Variants in FREM2 observed in about 807,000 individuals in gnomAD.
The protein encoded by FREM2 is FRAS1-related extracellular matrix protein 2.
In FREM2, 119 loss-of-function variants were observed where a neutral mutation model predicts 219.9. That is an observed-to-expected ratio of 0.54 (90% CI 0.47 to 0.63). The LOEUF (loss-of-function observed/expected upper bound fraction) is 0.63. FREM2 is among the 30% of genes least tolerant of loss of function. FREM2 has a pLI of 0.00. For synonymous variants in FREM2, 1,562 were observed against 1,522.8 expected (o/e 1.03, Z -0.60); for missense variants, 4,030 against 3,993.6 (o/e 1.01, Z -0.25).
rs536141558 is a variant in FREM2 at position 38,830,793 on chromosome 13, T to C, written c.6020-15780T>C. On this transcript the variant is annotated intron_variant, in intron 6 of 23. Coordinates refer to ENST00000280481, the MANE Select transcript of FREM2 (RefSeq NM_207361.6). ...TCACATTTTTTCTTCTCTGGGTTGC[T>C]GTCCTGTGTCAGCTCTCCATCTCGG... 2.6e-5 allele frequency among the ~76,000 whole-genome samples: 4 copies of C among 152,322 alleles called. No individual in the cohort carries two copies. In the South Asian group the frequency reaches 8.3e-4, roughly 32 times the overall value.
intron 4 of FREM2, among the ~76,000 whole-genome samples, chr13:38,782,384 T>C (rs1366077005): frequency 6.6e-6 from 1 of 152,124 alleles, no homozygotes; most frequent in Non-Finnish European, 1.5e-5. Flanking sequence ...GCCCTTTGAC[T>C]GTGTTAAAAA....
Position 38,884,609 on chromosome 13 carries a change from A to C in FREM2, c.*3822A>C, listed in dbSNP as rs926980897. 1 of 152,212 alleles carries C rather than the reference A, an allele frequency of 6.6e-6. No individual in the cohort carries two copies. Among genetic ancestry groups the C allele is most frequent in the African/African-American group, 2.4e-5 (1 of 41,462 alleles). 9.4% of individuals were successfully genotyped at this position (152,212 alleles called of 1,614,324 possible). On this transcript the variant is annotated 3_prime_UTR_variant, in exon 24 of 24. Transcript: ENST00000280481. ...AGCACATTGCCATTCTTTGAAACTC[A>C]TGTTTCTAGACATGACAGCAGTAAT...
chr13:38,752,754 G>A (rs1872828802), intron 2 of FREM2, among the ~76,000 whole-genome samples: 1 of 152,236 alleles, frequency 6.6e-6, no homozygotes, highest in Non-Finnish European at 1.5e-5. Flanking sequence ...TGTGATGACA[G>A]TGTCTGTGTA....
chr13:38,807,833 G>A (rs2137859357), intron 6 of FREM2, among the ~76,000 whole-genome samples: 1 of 151,990 alleles, frequency 6.6e-6, no homozygotes, highest in East Asian at 2.0e-4. Context: ...TTTCTGATTG[G>A]TAAATGACCG....
At chr13:38,827,582 T>G (rs1308544968) in intron 6 of FREM2, 1 of 152,060 alleles carries the variant, frequency 6.6e-6, no homozygotes, top group Non-Finnish European at 1.5e-5. Flanking sequence ...TTGGGAAGCT[T>G]GAAGATGGAT....
At chr13:38,854,656 G>T (rs1293404010) in intron 11 of FREM2, among the ~76,000 whole-genome samples, 1 of 152,256 alleles carries the variant, frequency 6.6e-6, no homozygotes, top group South Asian at 2.1e-4. Context: ...TTCTCTCAGG[G>T]TATAAGAAAT....
At chr13:38,877,345 T>C (rs187833156) in intron 21 of FREM2, 102 bp downstream of exon 21, 21 of 1,323,242 alleles carry the variant, frequency 1.6e-5, no homozygotes, top group Non-Finnish European at 2.2e-5. Context: ...TAGCTTTTTT[T>C]ATGGTTTTGA....
rs565240280 is a variant in FREM2 at position 38,722,709 on chromosome 13, G to A, written c.5263+24922G>A. Among the ~76,000 whole-genome samples, 28 of 148,790 alleles carry A rather than the reference G, an allele frequency of 1.9e-4. No homozygotes were observed. In the South Asian group the frequency reaches 6.0e-3, roughly 32 times the overall value. ...CACTGTTCTAACAAGATGGTGTAAG[G>A]ATAAAAATAATCAAGCAGAGGGTGT... On this transcript the variant is annotated intron_variant, in intron 2 of 23. Coordinates refer to ENST00000280481, the MANE Select transcript of FREM2 (RefSeq NM_207361.6).
At chr13:38,723,262 AAAAT>A (rs1169554712) in intron 2 of FREM2, among the ~76,000 whole-genome samples, 1 of 151,254 alleles carries the variant, frequency 6.6e-6, no homozygotes, top group Admixed American at 6.6e-5. Context: ...AATAAAAAAT[AAAAT>A]AAAACAGCTG....
intron 6 of FREM2, among the ~76,000 whole-genome samples, chr13:38,803,041 T>C (rs144340066): frequency 1.3e-3 from 192 of 152,296 alleles, no homozygotes; most frequent in Non-Finnish European, 2.0e-3. Flanking sequence ...GATTGTCTAT[T>C]CAAAGTTTGA....
Position 38,851,070 on chromosome 13 carries a change from A to T in FREM2, c.6704A>T (p.Gln2235Leu). ...CCCTTTGGGGCTGCAGTTGGTGAACAAAATGAAACTCTCATAAGGATCCGA... is the reference window on the plus strand; with the variant it reads ...CCCTTTGGGGCTGCAGTTGGTGAACTAAATGAAACTCTCATAAGGATCCGA... Reference protein sequence around the residue: ...NSPFGAAVGEQNETLIRIRDD... With the variant: ...NSPFGAAVGELNETLIRIRDD... Residue 2235 changes from glutamine (Q) to leucine (L), a missense_variant, in exon 10 of 24, where the codon CAA becomes CTA. Physicochemically the swap from Gln to Leu is moderately radical, Grantham distance 113. Around this residue, in one of 2 missense-constraint regions of FREM2, gnomAD observed 3,102 missense variants for 2,950.7 expected, o/e 1.05. Transcript: ENST00000280481. 1 of 1,614,038 alleles carries T rather than the reference A, an allele frequency of 6.2e-7. No individual in the cohort carries two copies. The highest frequency in any genetic ancestry group is 8.5e-7 in the Non-Finnish European group (1 of 1,179,980).
At chr13:38,731,795 G>A (rs989594264) in intron 2 of FREM2, among the ~76,000 whole-genome samples, 20 of 152,164 alleles carry the variant, frequency 1.3e-4, no homozygotes, top group African/African-American at 4.3e-4. Flanking sequence ...GCCCCAAGTA[G>A]AATGATTTAT....
intron 2 of FREM2, among the ~76,000 whole-genome samples, chr13:38,723,863 C>A (rs980128981): frequency 6.6e-6 from 1 of 152,128 alleles, no homozygotes; most frequent in African/African-American, 2.4e-5. Context: ...AGAGGAGATT[C>A]TATTATTTAT....
At chr13:38,789,890 T>C (rs944961883) in intron 6 of FREM2, among the ~76,000 whole-genome samples, 5 of 151,868 alleles carry the variant, frequency 3.3e-5, no homozygotes, top group African/African-American at 1.2e-4. Context: ...ATCTTATGTT[T>C]TTCGCTTCAA....
At chr13:38,775,301 G>A (rs1300712852) in intron 4 of FREM2, among the ~76,000 whole-genome samples, 1 of 152,170 alleles carries the variant, frequency 6.6e-6, no homozygotes, top group Non-Finnish European at 1.5e-5. Flanking sequence ...TCAAGGTCCA[G>A]AATTAATGAA....
At chr13:38,846,496 T>G in intron 6 of FREM2, 77 bp from the exon 7 acceptor site, 1 of 1,491,926 alleles carries the variant, frequency 6.7e-7, no homozygotes, top group South Asian at 1.2e-5. Flanking sequence ...AGCACACTCT[T>G]CTTTGGAAGC....
chr13:38,801,365 G>A (rs1382960695), intron 6 of FREM2, among the ~76,000 whole-genome samples: 1 of 152,060 alleles, frequency 6.6e-6, no homozygotes, highest in African/African-American at 2.4e-5. Context: ...TCTGTTGTTG[G>A]AGAATTATCA....
chr13:38,772,885 C>T (rs954120703), intron 4 of FREM2, among the ~76,000 whole-genome samples: 4 of 151,672 alleles, frequency 2.6e-5, no homozygotes, highest in African/African-American at 9.7e-5. Flanking sequence ...TTAGTAGAGA[C>T]GGGGTTTCAC....
At chr13:38,724,010 G>A (rs896895876) in intron 2 of FREM2, among the ~76,000 whole-genome samples, 5 of 152,184 alleles carry the variant, frequency 3.3e-5, no homozygotes, top group African/African-American at 1.2e-4. Flanking sequence ...GCTACAATGG[G>A]TTCACTACAA....
Sources: allele counts gnomAD v4.1 joint callset (sites outside exome capture counted in the v4.1 genomes callset), GRCh38; gene constraint gnomAD v4.1.1; regional missense constraint gnomAD v4.1.1; transcripts MANE v1.5; gene names NCBI Gene and HGNC (gene_info 2026-07-23, HGNC 2026-07-21).